The following EFR3B variants were observed in gnomAD, a reference collection of about 807,000 sequenced individuals.
The protein encoded by EFR3B is EFR3 homolog B, also known as protein EFR3 homolog B.
Under a neutral mutation model 104.7 loss-of-function variants are expected in EFR3B, and 64 were observed. The observed-to-expected ratio is 0.61, with a 90% confidence interval of 0.50 to 0.75. The LOEUF (loss-of-function observed/expected upper bound fraction) is 0.75. Ranked by LOEUF, EFR3B falls within the 30% of genes least tolerant of loss-of-function variation. EFR3B has a pLI of 0.00. For synonymous variants in EFR3B, 385 were observed against 417.9 expected, an observed-to-expected ratio of 0.92 and a Z score of 0.96; for missense variants, 750 against 1,078.5, an observed-to-expected ratio of 0.70 and a Z score of 4.27.
At chr2:25,140,582 C>A (rs554628313) in intron 16 of EFR3B, among the ~76,000 whole-genome samples, 1 of 152,230 alleles carries the variant, frequency 6.6e-6, no homozygotes, top group East Asian at 1.9e-4. Flanking sequence ...CCACTTCTTA[C>A]CACCTTAGTA....
intron 1 of EFR3B, among the ~76,000 whole-genome samples, chr2:25,059,752 G>A (rs756158688): frequency 9.9e-5 from 15 of 151,926 alleles, no homozygotes; most frequent in Admixed American, 2.0e-4. Context: ...GCACATTGCT[G>A]TAATCCCAGC....
At chr2:25,093,879 A>G (rs1319625835) in intron 3 of EFR3B, among the ~76,000 whole-genome samples, 1 of 152,258 alleles carries the variant, frequency 6.6e-6, no homozygotes, top group Non-Finnish European at 1.5e-5. Flanking sequence ...TGAAATATTT[A>G]TCAATCTTCT....
At chr2:25,069,719 C>T (rs895144738) in intron 1 of EFR3B, among the ~76,000 whole-genome samples, 2 of 152,206 alleles carry the variant, frequency 1.3e-5, no homozygotes, top group Admixed American at 6.5e-5. Flanking sequence ...GTTTTTGAGA[C>T]GGAGTCTTGC....
Position 25,155,013 on chromosome 2 carries a change from G to A in EFR3B, c.*673G>A, listed in dbSNP as rs777982479. 1 of 152,416 alleles carries A rather than the reference G, an allele frequency of 6.6e-6. No individual in the cohort carries two copies. Among genetic ancestry groups the A allele is most frequent in the Non-Finnish European group, 1.5e-5 (1 of 68,204 alleles). 9.4% of individuals were successfully genotyped at this position (152,416 alleles called of 1,614,324 possible). ...TGTGGCATCAGCAGGCCCAGCGGGCGAGTGTGGTCCCTGCAGCAGCTTCCC... is the reference window on the plus strand; with the variant it reads ...TGTGGCATCAGCAGGCCCAGCGGGCAAGTGTGGTCCCTGCAGCAGCTTCCC... On this transcript the variant is annotated 3_prime_UTR_variant, in exon 23 of 23. Coordinates refer to ENST00000403714, the MANE Select transcript of EFR3B (RefSeq NM_014971.2).
At chr2:25,112,440 T>TGTAATGTGG (rs945470890) in intron 4 of EFR3B, among the ~76,000 whole-genome samples, 13 of 152,184 alleles carry the variant, frequency 8.5e-5, no homozygotes, top group Admixed American at 4.6e-4. Flanking sequence ...GGGGGGACTG[T>TGTAATGTGG]GTAATGTGGG....
chr2:25,117,161 C>T lies in EFR3B; in HGVS notation c.364-4512C>T, dbSNP rs986222627. Reference sequence around the variant, plus strand: ...TCCAAGGGGCATGGGTGTAGGGAGGCGAGAGGAAGAGAGTAGGCGGGACTG... The same window carrying T: ...TCCAAGGGGCATGGGTGTAGGGAGGTGAGAGGAAGAGAGTAGGCGGGACTG... On this transcript the variant is annotated intron_variant, in intron 4 of 22. Transcript: ENST00000403714. Among the ~76,000 whole-genome samples, 5 of 152,006 alleles carry T rather than the reference C, an allele frequency of 3.3e-5. No homozygotes were observed. In the East Asian group the frequency reaches 5.8e-4, roughly 18 times the overall value.
intron 20 of EFR3B, among the ~76,000 whole-genome samples, chr2:25,151,113 T>C (rs1373141875): frequency 2.6e-5 from 4 of 152,128 alleles, no homozygotes; most frequent in Non-Finnish European, 5.9e-5. Flanking sequence ...CACACCCCTT[T>C]TTCTTCTTGG....
In EFR3B at chr2:25,132,864, C is replaced by G. The variant is rs556164269; in HGVS notation, c.1148-39C>G. 6.6e-6 allele frequency: 10 copies of G among 1,510,650 alleles called. No homozygotes were observed. The South Asian group carries it at 9.6e-5, about 15-fold the overall frequency. The allele number at this position is 1,510,650 out of a possible 1,614,324, so 93.6% of individuals were successfully genotyped here. A position where few individuals can be genotyped will look rare whatever the true frequency, so the allele number is the denominator to read the frequency against. Reference sequence around the variant, plus strand: ...GCTGAACCAGGAGGGGCCCTGGAGCCTGTGCCTCACTGGGCACCCTCTCCG... The same window carrying G: ...GCTGAACCAGGAGGGGCCCTGGAGCGTGTGCCTCACTGGGCACCCTCTCCG... On this transcript the variant is annotated intron_variant, in intron 10 of 22. Transcript: ENST00000403714.
At position 25,052,497 on chromosome 2, in the gene EFR3B, T is replaced by A. The variant is rs1667899289; in HGVS notation, c.7+10178T>A. On this transcript the variant is annotated intron_variant, in intron 1 of 22. Coordinates refer to ENST00000403714, the MANE Select transcript of EFR3B (RefSeq NM_014971.2). The stretch of plus-strand genomic sequence containing the variant: ...CACCACTATGTGCCAGGCAGAATTC[T>A]TTTTTTTTTTTTTTTTTTTTTTGAG... Among the ~76,000 whole-genome samples, 7 of 37,848 alleles carry A rather than the reference T, an allele frequency of 1.8e-4. No homozygotes were observed. The African/African-American group carries it at 2.8e-3, about 15-fold the overall frequency. The allele number at this position is 37,848 out of a possible 152,430, so 24.8% of individuals were successfully genotyped here. A position where few individuals can be genotyped will look rare whatever the true frequency, so the allele number is the denominator to read the frequency against.
Position 25,144,975 on chromosome 2 carries a change from C to T in EFR3B, c.2066C>T (p.Ser689Phe). The T allele has an allele frequency of 6.4e-7, 1 of 1,551,700 alleles. No homozygotes were observed. Among genetic ancestry groups the T allele is most frequent in the Non-Finnish European group, 8.7e-7 (1 of 1,146,996 alleles). The stretch of plus-strand genomic sequence containing the variant: ...TCTTCCCCAGATGAGGATCGTTTAT[C>T]CAAGAGGAGGAGCATTGGAGAGACC... The part of the protein sequence containing the change: ...IPQLTDEDRL[S>F]KRRSIGETIS... The change falls in exon 19 of 23, where the codon TCC becomes TTC. Residue 689 changes from serine to phenylalanine, a missense_variant. Transcript: ENST00000403714.
intron 1 of EFR3B, among the ~76,000 whole-genome samples, chr2:25,090,303 G>A (rs1475578038): frequency 6.6e-6 from 1 of 152,256 alleles, no homozygotes; most frequent in East Asian, 1.9e-4. Flanking sequence ...CCCCCTCAGT[G>A]AGGGGTGAAG....
At chr2:25,081,055 C>T (rs1037047240) in intron 1 of EFR3B, 5 of 740,686 alleles carry the variant, frequency 6.8e-6, no homozygotes, top group Non-Finnish European at 1.2e-5. Flanking sequence ...TGTGAACTTC[C>T]TATTAATATA....
chr2:25,122,925 A>G (rs1302151535), intron 5 of EFR3B, among the ~76,000 whole-genome samples: 2 of 152,134 alleles, frequency 1.3e-5, no homozygotes, highest in East Asian at 3.9e-4. Context: ...ATTCTTGTTG[A>G]GTGAATAACA....
intron 15 of EFR3B, among the ~76,000 whole-genome samples, chr2:25,138,038 G>A (rs894245169): frequency 6.6e-6 from 1 of 152,176 alleles, no homozygotes; most frequent in Non-Finnish European, 1.5e-5. Context: ...CGGACGTGGT[G>A]GTGCATGCGT....
chr2:25,077,872 C>T (rs771161731), intron 1 of EFR3B, among the ~76,000 whole-genome samples: 3 of 152,058 alleles, frequency 2.0e-5, no homozygotes, highest in African/African-American at 4.8e-5. Context: ...AAAGAGGGAA[C>T]CTTTTTGTTT....
chr2:25,051,412 G>A (rs1400423170), intron 1 of EFR3B, among the ~76,000 whole-genome samples: 2 of 151,750 alleles, frequency 1.3e-5, no homozygotes, highest in African/African-American at 4.8e-5. Context: ...ACCACGCCCA[G>A]CCTGATTTCT....
intron 2 of EFR3B, among the ~76,000 whole-genome samples, chr2:25,092,157 C>G (rs1387735234): frequency 6.6e-6 from 1 of 151,712 alleles, no homozygotes; most frequent in Non-Finnish European, 1.5e-5. Flanking sequence ...CAACCTCTGA[C>G]TCCCTGGTTT....
chr2:25,051,111 T>G (rs1667855559), intron 1 of EFR3B, among the ~76,000 whole-genome samples: 1 of 152,070 alleles, frequency 6.6e-6, no homozygotes, highest in Non-Finnish European at 1.5e-5. Flanking sequence ...TGATTTCTCT[T>G]TTTTTTCTTC....
intron 1 of EFR3B, among the ~76,000 whole-genome samples, chr2:25,044,812 C>T (rs998646264): frequency 6.6e-6 from 1 of 152,206 alleles, no homozygotes; most frequent in Non-Finnish European, 1.5e-5. Context: ...CATCCCTCCC[C>T]CTCCTCACCC....
Sources: allele counts gnomAD v4.1 joint callset (sites outside exome capture counted in the v4.1 genomes callset), GRCh38; gene constraint gnomAD v4.1.1; transcripts MANE v1.5; gene names NCBI Gene and HGNC (gene_info 2026-07-23, HGNC 2026-07-21).